The following FBXO15 variants were observed in gnomAD, a reference collection of about 807,000 sequenced individuals.
The protein encoded by FBXO15 is F-box protein 15.
In FBXO15, 30 loss-of-function variants were observed where a neutral mutation model predicts 49.5. The observed-to-expected ratio is 0.61, with a 90% CI of 0.45 to 0.82. FBXO15 has a LOEUF of 0.82. FBXO15 is among the 40% of genes least tolerant of loss of function. FBXO15 has a pLI of 0.00. For missense variants in FBXO15, 591 were observed against 631.5 expected, an observed-to-expected ratio of 0.94 and a Z score of 0.69; for synonymous variants, 250 against 232.7, an observed-to-expected ratio of 1.07 and a Z score of -0.68.
intron 8 of FBXO15, chr18:74,097,941 C>G (rs1380615339): frequency 6.6e-6 from 1 of 152,526 alleles, no homozygotes; most frequent in Non-Finnish European, 1.5e-5. Context: ...TCACAGGACT[C>G]TGTGCAGACA....
chr18:74,100,409 A>C (rs1426066972), intron 8 of FBXO15, among the ~76,000 whole-genome samples: 5 of 152,150 alleles, frequency 3.3e-5, no homozygotes, highest in Non-Finnish European at 5.9e-5. Context: ...AGGATACAGC[A>C]AAAGTGGTGC....
chr18:74,136,518 C>G (rs1350394737), intron 2 of FBXO15, among the ~76,000 whole-genome samples: 1 of 152,146 alleles, frequency 6.6e-6, no homozygotes, highest in Non-Finnish European at 1.5e-5. Flanking sequence ...GAAATAGCAG[C>G]TTATTCCCAC....
rs373400783 is a variant in FBXO15 at position 74,123,753 on chromosome 18, G to A, written c.996-243C>T. Among the ~76,000 whole-genome samples the A allele has an allele frequency of 6.6e-5, 10 of 152,140 alleles. No homozygotes were observed. In the East Asian group the frequency reaches 1.4e-3, roughly 21 times the overall value. On this transcript the variant is annotated intron_variant, in intron 7 of 9. Coordinates refer to ENST00000419743, the MANE Select transcript of FBXO15 (RefSeq NM_001142958.2). ...TCTGTAGGCAGCCACCGCCCAGCACGGGTGCACATGTTTCTGCAGCTGATC... is the reference window on the plus strand; with the variant it reads ...TCTGTAGGCAGCCACCGCCCAGCACAGGTGCACATGTTTCTGCAGCTGATC...
In FBXO15 at chr18:74,126,066, A is replaced by G. The variant is rs757828310; in HGVS notation, c.821T>C (p.Leu274Pro). 22 of 1,613,934 alleles carry G rather than the reference A, an allele frequency of 1.4e-5. No homozygotes were observed. Among genetic ancestry groups the G allele is most frequent in the Non-Finnish European group, 1.9e-5 (22 of 1,179,930 alleles). ...CATGGTAGATATGGTCAAATGACTCAGATTGTACTTTGCAATTAAAGAATG... is the reference window on the plus strand; with the variant it reads ...CATGGTAGATATGGTCAAATGACTCGGATTGTACTTTGCAATTAAAGAATG... ...RWHSLIAKYN[L>P]SHLTISTMIG... Residue 274 changes from leucine (L) to proline (P), a missense_variant, in exon 6 of 10, where the codon CTG becomes CCG. Transcript: ENST00000419743.
intron 9 of FBXO15, among the ~76,000 whole-genome samples, chr18:74,073,953 A>C (rs1912150616): frequency 6.6e-6 from 1 of 152,154 alleles, no homozygotes; most frequent in South Asian, 2.1e-4. Flanking sequence ...AGGAGCTCTC[A>C]CAGGGCTCAG....
chr18:74,123,302 A>G, intron 8 of FBXO15, 66 bp downstream of exon 8: 1 of 1,534,274 alleles, frequency 6.5e-7, no homozygotes, highest in South Asian at 1.2e-5. Context: ...TAACTCGGAC[A>G]TCAAAATTGG....
rs115609170 is a variant in FBXO15, at chr18:74,098,227, A to G, written c.1139-16176T>C. 386 of 152,264 alleles carry G rather than the reference A, an allele frequency of 2.5e-3. 2 individuals carry two copies. Among genetic ancestry groups the G allele is most frequent in the African/African-American group, 8.1e-3 (338 of 41,540 alleles). 9.4% of individuals were successfully genotyped at this position (152,264 alleles called of 1,614,324 possible). ...CAAAACAAGGCTAATATCCCCCAAA[A>G]ATCACACTAGCTTACCAGCAATAAA... On this transcript the variant is annotated intron_variant, in intron 8 of 9. Transcript: ENST00000419743.
intron 9 of FBXO15, among the ~76,000 whole-genome samples, chr18:74,077,883 G>C (rs562304020): frequency 5.9e-5 from 9 of 152,154 alleles, no homozygotes; most frequent in African/African-American, 2.2e-4. Context: ...CACCCTGCAC[G>C]ACCTTAGCCA....
intron 8 of FBXO15, among the ~76,000 whole-genome samples, chr18:74,108,124 A>C (rs1250791901): frequency 6.6e-6 from 1 of 152,156 alleles, no homozygotes; most frequent in Admixed American, 6.5e-5. Flanking sequence ...CATCATGTCC[A>C]GCTATCAAGA....
At chr18:74,125,736 T>C (rs936728102) in intron 6 of FBXO15, among the ~76,000 whole-genome samples, 8 of 152,138 alleles carry the variant, frequency 5.3e-5, no homozygotes, top group Middle Eastern at 3.2e-3. Context: ...TTGTCTATGA[T>C]AGCAGAACAG....
chr18:74,086,443 T>C (rs1178228029), intron 8 of FBXO15, among the ~76,000 whole-genome samples: 1 of 152,198 alleles, frequency 6.6e-6, no homozygotes, highest in African/African-American at 2.4e-5. Context: ...TTTTGTTTTG[T>C]TTTTAGACGG....
At chr18:74,128,876 T>C (rs1978305144) in intron 5 of FBXO15, among the ~76,000 whole-genome samples, 1 of 152,226 alleles carries the variant, frequency 6.6e-6, no homozygotes, top group Admixed American at 6.5e-5. Context: ...TCGATCTTAT[T>C]CATTGCAGTC....
intron 8 of FBXO15, among the ~76,000 whole-genome samples, chr18:74,086,561 C>G (rs1220433938): frequency 6.6e-6 from 1 of 152,172 alleles, no homozygotes; most frequent in Non-Finnish European, 1.5e-5. Flanking sequence ...CAGGCGCCCG[C>G]CACCACGCCT....
At chr18:74,077,740 G>C (rs572729018) in intron 9 of FBXO15, among the ~76,000 whole-genome samples, 14 of 152,300 alleles carry the variant, frequency 9.2e-5, no homozygotes, top group African/African-American at 3.1e-4. Context: ...TCTGTCTTTG[G>C]CAGGCAGCCG....
At chr18:74,094,388 C>G (rs1233593389) in intron 8 of FBXO15, among the ~76,000 whole-genome samples, 1 of 152,124 alleles carries the variant, frequency 6.6e-6, no homozygotes, top group Non-Finnish European at 1.5e-5. Flanking sequence ...TATGATGTGC[C>G]TACTCCCCAC....
chr18:74,112,554 G>T (rs1053082379), intron 8 of FBXO15, among the ~76,000 whole-genome samples: 3 of 152,180 alleles, frequency 2.0e-5, no homozygotes, highest in Non-Finnish European at 4.4e-5. Flanking sequence ...AGTTAACATT[G>T]TGCTTTATGG....
chr18:74,098,673 TA>T (rs1913386779), intron 8 of FBXO15: 1 of 152,182 alleles, frequency 6.6e-6, no homozygotes, highest in Non-Finnish European at 1.5e-5. Flanking sequence ...AAGAGAAATC[TA>T]AAAGTTTGGA....
chr18:74,082,793 C>A (rs995353617), intron 8 of FBXO15, among the ~76,000 whole-genome samples: 2 of 152,184 alleles, frequency 1.3e-5, no homozygotes, highest in Non-Finnish European at 2.9e-5. Context: ...ACAAACCAAC[C>A]GACAGCAACA....
rs1912113238 is a variant in FBXO15 at position 74,073,450 on chromosome 18, GC to G, written c.*10del. ...AACAACTAAATAACAACAATAATTT[GC>G]CACCTACTGCTAATATTCAGTCCCA... On this transcript the variant is annotated 3_prime_UTR_variant, in exon 10 of 10. Transcript: ENST00000419743. The G allele has an allele frequency of 6.2e-7, 1 of 1,602,272 alleles. No individual in the cohort carries two copies. Among genetic ancestry groups the G allele is most frequent in the African/African-American group, 1.3e-5 (1 of 74,548 alleles).
Sources: gnomAD v4.1 joint callset for allele counts (sites outside exome capture counted in the v4.1 genomes callset) on GRCh38, gnomAD v4.1.1 for gene constraint, MANE v1.5 for transcripts, NCBI Gene and HGNC (gene_info 2026-07-23, HGNC 2026-07-21) for gene names.